TMOD2: variants seen among roughly 807,000 people sequenced by gnomAD.
TMOD2 encodes tropomodulin 2.
Under a neutral mutation model 39.9 loss-of-function variants are expected in TMOD2, and 22 were observed. That is an observed-to-expected ratio of 0.55 (90% CI 0.39 to 0.79). The LOEUF is 0.79. TMOD2 is among the 30% of genes least tolerant of loss of function. TMOD2 has a pLI of 0.00. For missense variants in TMOD2, 386 were observed against 413.3 expected, an observed-to-expected ratio of 0.93 and a Z score of 0.57; for synonymous variants, 123 against 146.1, an observed-to-expected ratio of 0.84 and a Z score of 1.14.
intron 7 of TMOD2, among the ~76,000 whole-genome samples, chr15:51,786,087 T>C (rs956331501): frequency 3.3e-5 from 5 of 152,144 alleles, no homozygotes. Flanking sequence ...TTTCAAAATA[T>C]GATTTTGCTA....
intron 9 of TMOD2, among the ~76,000 whole-genome samples, chr15:51,807,026 C>T (rs572681286): frequency 6.6e-6 from 1 of 152,342 alleles, no homozygotes; most frequent in African/African-American, 2.4e-5. Context: ...CGTGTGGCCA[C>T]TTGTTGCTGA....
chr15:51,808,383 T>C (rs1238082341), intron 9 of TMOD2, 37 bp from the exon 10 acceptor site: 5 of 1,585,176 alleles, frequency 3.2e-6, no homozygotes, highest in Non-Finnish European at 4.3e-6. Context: ...GGAATATCCC[T>C]TCAATTTGTC....
intron 2 of TMOD2, chr15:51,766,857 G>T: frequency 4.6e-6 from 1 of 215,280 alleles, no homozygotes; most frequent in Non-Finnish European, 9.3e-6. Context: ...AAGGAAAGAG[G>T]AAAAGAGAGC....
At chr15:51,795,428 CAAAA>C (rs35847443) in intron 7 of TMOD2, among the ~76,000 whole-genome samples, 2 of 104,532 alleles carry the variant, frequency 1.9e-5, no homozygotes. Context: ...GACTTTGTCT[CAAAA>C]AAAAAAAAAA....
At chr15:51,790,264 G>T (rs1336108497) in intron 7 of TMOD2, among the ~76,000 whole-genome samples, 3 of 152,118 alleles carry the variant, frequency 2.0e-5, no homozygotes, top group African/African-American at 7.2e-5. Flanking sequence ...AGACAAAATG[G>T]ATAAATTCCT....
chr15:51,796,572 G>A (rs1483367609), intron 7 of TMOD2, among the ~76,000 whole-genome samples: 4 of 152,086 alleles, frequency 2.6e-5, no homozygotes, highest in African/African-American at 4.8e-5. Flanking sequence ...TACCAAACCC[G>A]ATATGTGCTA....
chr15:51,766,657 G>T (rs2055818518), intron 2 of TMOD2, 90 bp downstream of exon 2: 2 of 1,368,392 alleles, frequency 1.5e-6, no homozygotes, highest in African/African-American at 1.5e-5. Flanking sequence ...AAATCCCTTA[G>T]CTCGGAATGC....
rs1452825577 is a variant in TMOD2, at chr15:51,798,301, A to G, written c.837A>G (p.Lys279=). The G allele has an allele frequency of 1.2e-6, 2 of 1,613,926 alleles. No individual in the cohort carries two copies. Among genetic ancestry groups the G allele is most frequent in the Admixed American group, 1.7e-5 (1 of 59,932 alleles). ...TCCTGGCCCTGGTAGAGGCACTGAAAGAAAATGACACCTTGACAGAAATCA... is the reference window on the plus strand; with the variant it reads ...TCCTGGCCCTGGTAGAGGCACTGAAGGAAAATGACACCTTGACAGAAATCA... ...TGILALVEAL[K]ENDTLTEIKI... Residue 279 remains lysine (K), a synonymous_variant, in exon 8 of 10, where the codon AAA becomes AAG. Coordinates refer to ENST00000249700, the MANE Select transcript of TMOD2 (RefSeq NM_014548.4).
At chr15:51,808,331 A>T in intron 9 of TMOD2, 89 bp from the exon 10 acceptor site, 4 of 1,024,112 alleles carry the variant, frequency 3.9e-6, no homozygotes, top group Non-Finnish European at 6.0e-6. Context: ...AGTGTGTGAG[A>T]TTGTCATCTT....
chr15:51,789,922 C>T (rs949998186), intron 7 of TMOD2, among the ~76,000 whole-genome samples: 5 of 151,944 alleles, frequency 3.3e-5, no homozygotes, highest in Admixed American at 6.6e-5. Flanking sequence ...AATCTAAAAT[C>T]GACACCCTAA....
At chr15:51,767,678 A>C (rs2055825048) in intron 2 of TMOD2, among the ~76,000 whole-genome samples, 1 of 152,222 alleles carries the variant, frequency 6.6e-6, no homozygotes, top group Admixed American at 6.5e-5. Context: ...ATTTTACCAT[A>C]AATAAAAATA....
At chr15:51,800,779 C>T (rs2056081852) in intron 8 of TMOD2, among the ~76,000 whole-genome samples, 1 of 152,154 alleles carries the variant, frequency 6.6e-6, no homozygotes, top group Admixed American at 6.5e-5. Flanking sequence ...AGTGTGGCCT[C>T]ACTGCAATCT....
At chr15:51,762,684 G>A (rs1354085579) in intron 1 of TMOD2, among the ~76,000 whole-genome samples, 1 of 152,072 alleles carries the variant, frequency 6.6e-6, no homozygotes, top group Admixed American at 6.6e-5. Flanking sequence ...ATGCCCCTAT[G>A]TCATTCCTCT....
rs756573229 is a variant in TMOD2 at position 51,809,825 on chromosome 15, G to C, written c.*1371G>C. The C allele has an allele frequency of 1.3e-5, 2 of 152,046 alleles. No individual in the cohort carries two copies. Among genetic ancestry groups the C allele is most frequent in the Non-Finnish European group, 2.9e-5 (2 of 68,000 alleles). The allele number at this position is 152,046 out of a possible 1,614,324, so 9.4% of individuals were successfully genotyped here. A position where few individuals can be genotyped will look rare whatever the true frequency, so the allele number is the denominator to read the frequency against. On this transcript the variant is annotated 3_prime_UTR_variant, in exon 10 of 10. Transcript: ENST00000249700. ...AAATTCCAGAATTTGTTTAGTAGCTGAGTGTTCCTGAGTTGCCTAGTAGCA... is the reference window on the plus strand; with the variant it reads ...AAATTCCAGAATTTGTTTAGTAGCTCAGTGTTCCTGAGTTGCCTAGTAGCA...
chr15:51,765,361 A>G (rs868833154), intron 1 of TMOD2, among the ~76,000 whole-genome samples: 3 of 151,486 alleles, frequency 2.0e-5, no homozygotes, highest in East Asian at 2.0e-4. Context: ...CATTATTGCT[A>G]TTTGTGTGCC....
chr15:51,768,331 C>A lies in TMOD2; in HGVS notation c.196C>A (p.Arg66Ser), dbSNP rs779538838. ...GAAGGCAGCCACCGGCCCCTTTGAC[C>A]GCGAGCACCTCCTCATGTACCTGGA... ...TQKAATGPFD[R>S]EHLLMYLEKE... The change falls in exon 3 of 10, where the codon CGC (arginine) becomes AGC (serine). Residue 66 changes from arginine to serine, a missense_variant. Arg to Ser is a moderately radical substitution (Grantham distance 110). Transcript: ENST00000249700. 6.2e-7 allele frequency: 1 copy of A among 1,614,202 alleles called. No individual in the cohort carries two copies. Among genetic ancestry groups the A allele is most frequent in the South Asian group, 1.1e-5 (1 of 91,086 alleles).
Position 51,813,220 on chromosome 15 carries a change from C to T in TMOD2, c.*4766C>T, listed in dbSNP as rs1228832692. ...TGTTTAATGGCAGAACTGAGATTTG[C>T]TCAGCTTATCTCTTTCCCATCTGTC... On this transcript the variant is annotated 3_prime_UTR_variant, in exon 10 of 10. Transcript: ENST00000249700. 1 of 152,198 alleles carries T rather than the reference C, an allele frequency of 6.6e-6. No homozygotes were observed. Among genetic ancestry groups the T allele is most frequent in the Non-Finnish European group, 1.5e-5 (1 of 68,048 alleles). The allele number at this position is 152,198 out of a possible 1,614,324, so 9.4% of individuals were successfully genotyped here.
chr15:51,814,371 A>T lies in TMOD2; in HGVS notation c.*5917A>T, dbSNP rs1402729212. On this transcript the variant is annotated 3_prime_UTR_variant, in exon 10 of 10. Coordinates refer to ENST00000249700, the MANE Select transcript of TMOD2 (RefSeq NM_014548.4). ...TGTTGTGAGATCACCTCTCCAGGGC[A>T]GCAGCTGCCTTGTTATCACCAGCAA... 6.6e-6 allele frequency: 1 copy of T among 152,266 alleles called. No individual in the cohort carries two copies. Among genetic ancestry groups the T allele is most frequent in the Non-Finnish European group, 1.5e-5 (1 of 68,068 alleles). 9.4% of individuals were successfully genotyped at this position (152,266 alleles called of 1,614,324 possible).
At chr15:51,796,579 G>A (rs2056052981) in intron 7 of TMOD2, among the ~76,000 whole-genome samples, 1 of 152,146 alleles carries the variant, frequency 6.6e-6, no homozygotes, top group African/African-American at 2.4e-5. Context: ...CCCGATATGT[G>A]CTATGTCTTT....
Sources: allele counts gnomAD v4.1 joint callset (sites outside exome capture counted in the v4.1 genomes callset), GRCh38; gene constraint gnomAD v4.1.1; transcripts MANE v1.5; gene names NCBI Gene and HGNC (gene_info 2026-07-23, HGNC 2026-07-21).